Variants in SPAG9 observed in about 807,000 individuals in gnomAD.
SPAG9 encodes sperm associated antigen 9, also known as C-Jun-amino-terminal kinase-interacting protein 4.
SPAG9 carries 35 observed loss-of-function variants against 166.5 expected under a neutral mutation model. The ratio of observed to expected loss-of-function variants is 0.21; its 90% CI spans 0.16 to 0.28. The LOEUF is 0.28. Among genes scored for constraint, SPAG9 ranks in the 10% least tolerant of loss-of-function variants. SPAG9 has a pLI of 1.00. For synonymous variants in SPAG9, 534 were observed against 565.5 expected (o/e 0.94, Z 0.79); for missense variants, 1,235 against 1,603.3 (o/e 0.77, Z 3.92).
chr17:51,114,901 G>A (rs1306627215), intron 1 of SPAG9, among the ~76,000 whole-genome samples: 2 of 151,502 alleles, frequency 1.3e-5, no homozygotes, highest in Non-Finnish European at 2.9e-5. Context: ...GCAATGAGCT[G>A]GGATAGTGCC....
At chr17:51,111,802 C>T (rs1254253130) in intron 1 of SPAG9, among the ~76,000 whole-genome samples, 1 of 152,050 alleles carries the variant, frequency 6.6e-6, no homozygotes, top group Non-Finnish European at 1.5e-5. Flanking sequence ...GGGGTTTCAC[C>T]ATGTTGGTCA....
intron 8 of SPAG9, among the ~76,000 whole-genome samples, chr17:51,017,085 A>G (rs972923823): frequency 6.6e-6 from 1 of 152,234 alleles, no homozygotes; most frequent in Non-Finnish European, 1.5e-5. Context: ...ATCCTCATCT[A>G]CTACAGAAAG....
At chr17:51,062,340 C>G (rs908062489) in intron 2 of SPAG9, among the ~76,000 whole-genome samples, 2 of 152,192 alleles carry the variant, frequency 1.3e-5, no homozygotes, top group Non-Finnish European at 1.5e-5. Context: ...TACTCTACAG[C>G]TTTTGACAAA....
At chr17:51,089,839 G>C (rs2048418130) in intron 1 of SPAG9, among the ~76,000 whole-genome samples, 1 of 150,394 alleles carries the variant, frequency 6.6e-6, no homozygotes, top group Non-Finnish European at 1.5e-5. Context: ...ACCATGCCCA[G>C]CTAATTTTTT....
intron 25 of SPAG9, among the ~76,000 whole-genome samples, chr17:50,982,071 G>T (rs754224734): frequency 6.6e-6 from 1 of 151,920 alleles, no homozygotes; most frequent in African/African-American, 2.4e-5. Flanking sequence ...AGAAAATAAT[G>T]CTAGGAGGTT....
intron 2 of SPAG9, among the ~76,000 whole-genome samples, chr17:51,077,046 C>CTATCT (rs1475234841): frequency 1.2e-4 from 12 of 101,334 alleles, no homozygotes; most frequent in Non-Finnish European, 2.8e-4. Flanking sequence ...AGCTATCTAG[C>CTATCT]TATCTAGCTA....
chr17:51,094,779 A>G (rs1030797891), intron 1 of SPAG9, among the ~76,000 whole-genome samples: 3 of 152,120 alleles, frequency 2.0e-5, no homozygotes, highest in African/African-American at 4.8e-5. Flanking sequence ...TCTCTTTTAA[A>G]CTCTGGATTC....
At chr17:51,077,065 G>GCTAGCTATCTAGCTAT (rs1436849967) in intron 2 of SPAG9, among the ~76,000 whole-genome samples, 5 of 114,270 alleles carry the variant, frequency 4.4e-5, no homozygotes, top group Non-Finnish European at 7.9e-5. Flanking sequence ...TAGCTATCTA[G>GCTAGCTATCTAGCTAT]CTAGCTATCT....
chr17:51,079,494 C>T (rs924059171), intron 2 of SPAG9, 90 bp downstream of exon 2: 34 of 1,274,406 alleles, frequency 2.7e-5, no homozygotes, highest in East Asian at 4.8e-5. Flanking sequence ...CTACCTCGGC[C>T]TCCCAAAGTG....
chr17:51,045,616 A>C (rs1180482801), intron 4 of SPAG9, among the ~76,000 whole-genome samples: 2 of 151,634 alleles, frequency 1.3e-5, no homozygotes. Flanking sequence ...TTAAATAATA[A>C]ATAAAAACTA....
chr17:51,061,161 A>G (rs1281684243), intron 2 of SPAG9, among the ~76,000 whole-genome samples: 1 of 152,104 alleles, frequency 6.6e-6, no homozygotes, highest in African/African-American at 2.4e-5. Context: ...AAGCTTTTAT[A>G]TAAGATGTTT....
At chr17:50,974,736 T>C in intron 28 of SPAG9, 35 bp downstream of exon 28, 1 of 1,541,146 alleles carries the variant, frequency 6.5e-7, no homozygotes, top group South Asian at 1.2e-5. Context: ...GAGAGACAAT[T>C]ACATGGAACA....
rs573514125 is a variant in SPAG9, at chr17:51,006,976, AC to A, written c.1271+292del. Among the ~76,000 whole-genome samples the A allele has an allele frequency of 1.3e-4, 20 of 152,314 alleles. No individual in the cohort carries two copies. In the East Asian group the frequency reaches 3.9e-3, roughly 29 times the overall value. ...AGGGAGGGAGCAAAAAAAGTGTAAAACCAGGACAAATTTAGAAGATTAAGAA... is the reference window on the plus strand; with the variant it reads ...AGGGAGGGAGCAAAAAAAGTGTAAAACAGGACAAATTTAGAAGATTAAGAA... On this transcript the variant is annotated intron_variant, in intron 10 of 29. Transcript: ENST00000262013.
At chr17:51,022,381 T>C (rs1401675634) in intron 6 of SPAG9, among the ~76,000 whole-genome samples, 2 of 152,132 alleles carry the variant, frequency 1.3e-5, no homozygotes, top group Admixed American at 1.3e-4. Context: ...TCATTGAAAT[T>C]TGATCACTAT....
intron 2 of SPAG9, among the ~76,000 whole-genome samples, chr17:51,065,788 G>A (rs906405827): frequency 2.0e-5 from 3 of 152,106 alleles, no homozygotes; most frequent in African/African-American, 7.2e-5. Context: ...CTACTCCTAG[G>A]CCTGGTCCAG....
At chr17:51,043,283 T>C (rs186095683) in intron 4 of SPAG9, among the ~76,000 whole-genome samples, 1 of 152,210 alleles carries the variant, frequency 6.6e-6, no homozygotes, top group Non-Finnish European at 1.5e-5. Flanking sequence ...TCAGCTACCA[T>C]GTTTACACCA....
intron 1 of SPAG9, among the ~76,000 whole-genome samples, chr17:51,118,326 C>T (rs962055005): frequency 5.9e-5 from 9 of 152,114 alleles, no homozygotes; most frequent in Admixed American, 5.2e-4. Flanking sequence ...CATTGGATAA[C>T]CTATTTTTTT....
intron 3 of SPAG9, among the ~76,000 whole-genome samples, chr17:51,053,868 T>A (rs1243794171): frequency 1.2e-5 from 1 of 80,012 alleles, no homozygotes; most frequent in African/African-American, 6.7e-5. Flanking sequence ...TATATATATA[T>A]ATATATATAT....
At chr17:51,056,568 A>C in intron 2 of SPAG9, 86 bp from the exon 3 acceptor site, 1 of 811,352 alleles carries the variant, frequency 1.2e-6, no homozygotes, top group Non-Finnish European at 2.1e-6. Flanking sequence ...TGGGCTATCC[A>C]TAATCCTTAG....
Sources: allele counts gnomAD v4.1 joint callset (sites outside exome capture counted in the v4.1 genomes callset), GRCh38; gene constraint gnomAD v4.1.1; transcripts MANE v1.5; gene names NCBI Gene and HGNC (gene_info 2026-07-23, HGNC 2026-07-21).